The following RETREG1 variants were observed in gnomAD, a reference collection of about 807,000 sequenced individuals.
The protein encoded by RETREG1 is reticulophagy regulator 1.
A neutral mutation model predicts 54.8 loss-of-function variants in RETREG1; 44 were observed. The observed-to-expected ratio is 0.80, with a 90% CI of 0.63 to 1.03. The LOEUF (loss-of-function observed/expected upper bound fraction) is 1.03. Among genes scored for constraint, RETREG1 ranks in the 50% least tolerant of loss-of-function variants. The probability of loss-of-function intolerance (pLI) is 0.00; values close to 1 mark genes in which losing one functional copy is unlikely to be tolerated. For synonymous variants in RETREG1, 217 were observed against 238.5 expected (o/e 0.91, Z 0.83); for missense variants, 554 against 605.1 (o/e 0.92, Z 0.89).
chr5:16,615,927 C>T (rs1743493700), intron 1 of RETREG1: 1 of 152,270 alleles, frequency 6.6e-6, no homozygotes, highest in Non-Finnish European at 1.5e-5. Flanking sequence ...CAGGACACCA[C>T]TTTCAACGAA....
rs1739542530 is a variant in RETREG1 at position 16,498,088 on chromosome 5, C to A, written c.459-14616G>T. 3.3e-5 allele frequency among the ~76,000 whole-genome samples: 5 copies of A among 152,366 alleles called. No homozygotes were observed. The South Asian group carries it at 1.0e-3, about 32-fold the overall frequency. ...ATCTCAAAGTCTTCCTGAGCACAAACAACTATGTTTCCAAAAGGAAGTTTT... is the reference window on the plus strand; with the variant it reads ...ATCTCAAAGTCTTCCTGAGCACAAAAAACTATGTTTCCAAAAGGAAGTTTT... On this transcript the variant is annotated intron_variant, in intron 3 of 8. Coordinates refer to ENST00000306320, the MANE Select transcript of RETREG1 (RefSeq NM_001034850.3).
chr5:16,482,157 C>G (rs928587271), intron 4 of RETREG1, among the ~76,000 whole-genome samples: 2 of 151,856 alleles, frequency 1.3e-5, no homozygotes, highest in African/African-American at 4.8e-5. Context: ...TCTAAAACAG[C>G]AAGGGCCCTT....
intron 1 of RETREG1, among the ~76,000 whole-genome samples, chr5:16,573,874 A>G (rs1742259686): frequency 6.6e-6 from 1 of 151,452 alleles, no homozygotes; most frequent in African/African-American, 2.4e-5. Flanking sequence ...CCGCCCAAGT[A>G]GCTGGAAATA....
chr5:16,580,391 T>G (rs563537489), intron 1 of RETREG1, among the ~76,000 whole-genome samples: 1 of 152,350 alleles, frequency 6.6e-6, no homozygotes, highest in South Asian at 2.1e-4. Flanking sequence ...TGCTGACGCC[T>G]CCAGCATTCT....
At chr5:16,580,752 G>C (rs1579704695) in intron 1 of RETREG1, among the ~76,000 whole-genome samples, 1 of 152,198 alleles carries the variant, frequency 6.6e-6, no homozygotes, top group South Asian at 2.1e-4. Flanking sequence ...CTTGGAAGAG[G>C]GAGGTCTGTG....
intron 3 of RETREG1, among the ~76,000 whole-genome samples, chr5:16,562,519 A>C (rs989054461): frequency 2.6e-5 from 4 of 152,136 alleles, no homozygotes; most frequent in Non-Finnish European, 5.9e-5. Flanking sequence ...TCAGATCTTA[A>C]GTCAGTTTCC....
chr5:16,601,282 C>G (rs573967783), intron 1 of RETREG1, among the ~76,000 whole-genome samples: 3 of 105,932 alleles, frequency 2.8e-5, no homozygotes, highest in South Asian at 5.7e-4. Context: ...GTGGGAGGAT[C>G]GCTTAAGCTA....
chr5:16,480,632 T>C (rs890365823), intron 5 of RETREG1, among the ~76,000 whole-genome samples: 6 of 152,144 alleles, frequency 3.9e-5, no homozygotes, highest in Non-Finnish European at 8.8e-5. Flanking sequence ...ATTTTTAATT[T>C]TAGCCATTCT....
intron 2 of RETREG1, among the ~76,000 whole-genome samples, chr5:16,566,678 T>C (rs759747880): frequency 5.9e-5 from 9 of 152,204 alleles, no homozygotes; most frequent in Non-Finnish European, 1.2e-4. Flanking sequence ...ATAATTAGAA[T>C]TGTGCAATTG....
intron 1 of RETREG1, among the ~76,000 whole-genome samples, chr5:16,612,095 C>T (rs1743360863): frequency 6.6e-6 from 1 of 150,908 alleles, no homozygotes; most frequent in African/African-American, 2.4e-5. Context: ...ATCACCCTAT[C>T]ACCCTAAATA....
chr5:16,556,799 A>G (rs1172504566), intron 3 of RETREG1, among the ~76,000 whole-genome samples: 1 of 152,148 alleles, frequency 6.6e-6, no homozygotes, highest in African/African-American at 2.4e-5. Flanking sequence ...CCTCATCAAC[A>G]GAGCAACTAG....
chr5:16,477,833 G>A (rs1561077637), intron 7 of RETREG1, 45 bp from the exon 8 acceptor site: 1 of 1,610,626 alleles, frequency 6.2e-7, no homozygotes, highest in Non-Finnish European at 8.5e-7. Context: ...TTAAACTGCT[G>A]AAGGGAATAT....
At chr5:16,613,448 G>T (rs1743406045) in intron 1 of RETREG1, among the ~76,000 whole-genome samples, 1 of 152,060 alleles carries the variant, frequency 6.6e-6, no homozygotes, top group Non-Finnish European at 1.5e-5. Flanking sequence ...ATATCAAAAT[G>T]AATTATCCTT....
intron 3 of RETREG1, among the ~76,000 whole-genome samples, chr5:16,485,037 G>A (rs1250610763): frequency 1.3e-5 from 2 of 151,966 alleles, no homozygotes; most frequent in African/African-American, 4.8e-5. Flanking sequence ...GCAGATATCT[G>A]TGGCAAAATC....
chr5:16,610,458 G>C (rs952021361), intron 1 of RETREG1, among the ~76,000 whole-genome samples: 1 of 152,200 alleles, frequency 6.6e-6, no homozygotes, highest in African/African-American at 2.4e-5. Flanking sequence ...CACACCATCA[G>C]AGTGAACAGG....
intron 3 of RETREG1, among the ~76,000 whole-genome samples, chr5:16,533,038 T>C (rs1023632026): frequency 6.8e-6 from 1 of 147,530 alleles, no homozygotes; most frequent in Admixed American, 7.0e-5. Flanking sequence ...ACTTTAGCAG[T>C]TGATAATATG....
At chr5:16,500,324 G>A (rs557885515) in intron 3 of RETREG1, among the ~76,000 whole-genome samples, 1 of 152,300 alleles carries the variant, frequency 6.6e-6, no homozygotes, top group East Asian at 1.9e-4. Flanking sequence ...GGGATTCAGA[G>A]ACAGCAGGTG....
chr5:16,550,311 A>G (rs1446457485), intron 3 of RETREG1, among the ~76,000 whole-genome samples: 1 of 152,022 alleles, frequency 6.6e-6, no homozygotes, highest in Non-Finnish European at 1.5e-5. Context: ...TATGATTTAA[A>G]TGTCAAATTA....
intron 1 of RETREG1, among the ~76,000 whole-genome samples, chr5:16,588,514 C>T (rs1257478733): frequency 6.6e-6 from 1 of 152,208 alleles, no homozygotes; most frequent in Non-Finnish European, 1.5e-5. Context: ...GTGGACCACT[C>T]ACCTGCCGGC....
Sources: gnomAD v4.1 joint callset for allele counts (sites outside exome capture counted in the v4.1 genomes callset) on GRCh38, gnomAD v4.1.1 for gene constraint, MANE v1.5 for transcripts, NCBI Gene and HGNC (gene_info 2026-07-23, HGNC 2026-07-21) for gene names.